The following PPP1R12B variants were observed in gnomAD, a reference collection of about 807,000 sequenced individuals.
The protein encoded by PPP1R12B is myosin phosphatase target subunit 2.
PPP1R12B carries 76 observed loss-of-function variants against 126.1 expected under a neutral mutation model. The ratio of observed to expected loss-of-function variants is 0.60; its 90% CI spans 0.50 to 0.73. The LOEUF (loss-of-function observed/expected upper bound fraction) is 0.73. Among genes scored for constraint, PPP1R12B ranks in the 30% least tolerant of loss-of-function variants. The probability of loss-of-function intolerance (pLI) is 0.00; values close to 1 mark genes in which losing one functional copy is unlikely to be tolerated. For missense variants in PPP1R12B, 1,052 were observed against 1,205.1 expected (o/e 0.87, Z 1.88); for synonymous variants, 356 against 434.7 (o/e 0.82, Z 2.25).
At chr1:202,368,121 C>G (rs1253691704) in intron 1 of PPP1R12B, among the ~76,000 whole-genome samples, 1 of 152,112 alleles carries the variant, frequency 6.6e-6, no homozygotes, top group Non-Finnish European at 1.5e-5. Context: ...AGGCGCCTGC[C>G]ACCACACCCG....
Position 202,471,874 on chromosome 1 carries a change from TCCTCCTGAAGGAA to T in PPP1R12B, c.1851-16657_1851-16645del. On this transcript the variant is annotated intron_variant, in intron 13 of 23. Coordinates refer to ENST00000608999, the MANE Select transcript of PPP1R12B (RefSeq NM_002481.4). ...GACTCAGAGTGCTTTTAGTGCTGCT[TCCTCCTGAAGGAA>T]CATCCTTCTGTAAGCCTTGCTTTTC... 9 of 1,554,894 alleles carry T rather than the reference TCCTCCTGAAGGAA, an allele frequency of 5.8e-6. No individual in the cohort carries two copies. In the East Asian group the frequency reaches 1.3e-4, roughly 23 times the overall value.
At chr1:202,376,762 A>G (rs1350927582) in intron 1 of PPP1R12B, among the ~76,000 whole-genome samples, 2 of 152,188 alleles carry the variant, frequency 1.3e-5, no homozygotes, top group African/African-American at 4.8e-5. Flanking sequence ...TAAATATTAA[A>G]TAATAGGATA....
chr1:202,566,052 T>C (rs892004814), intron 21 of PPP1R12B, among the ~76,000 whole-genome samples: 2 of 152,202 alleles, frequency 1.3e-5, no homozygotes, highest in African/African-American at 2.4e-5. Context: ...TACAGAAAAT[T>C]AAAGAGCAGT....
At position 202,431,534 on chromosome 1, in the gene PPP1R12B, A is replaced by C; in HGVS notation, c.1056A>C (p.Glu352Asp). Residue 352 changes from glutamate (E) to aspartate (D), a missense_variant, in exon 8 of 24, where the codon GAA becomes GAC. Coordinates refer to ENST00000608999, the MANE Select transcript of PPP1R12B (RefSeq NM_002481.4). ...EETPKSQEME[E>D]ENKESSSSSS... ...CACCTAAGTCCCAAGAAATGGAGGA[A>C]GAAAATAAAGAATCTAGTAGCTCCA... The C allele has an allele frequency of 6.2e-7, 1 of 1,613,588 alleles. No individual in the cohort carries two copies. The highest frequency in any genetic ancestry group is 1.3e-5 in the African/African-American group (1 of 75,010).
At chr1:202,495,221 T>C (rs1572271744) in intron 15 of PPP1R12B, 72 bp from the exon 16 acceptor site, 3 of 1,377,158 alleles carry the variant, frequency 2.2e-6, no homozygotes, top group African/African-American at 2.9e-5. Context: ...AAAAACATTT[T>C]GTATAAACCT....
At position 202,426,899 on chromosome 1, in the gene PPP1R12B, C is replaced by T. The variant is rs974950613; in HGVS notation, c.702-141C>T. ...AAAGTAGTTAACTATGAAACCCAAA[C>T]TGTGCCTTAGAGGGCAGAAGTAATC... On this transcript the variant is annotated intron_variant, in intron 4 of 23. Coordinates refer to ENST00000608999, the MANE Select transcript of PPP1R12B (RefSeq NM_002481.4). 3.1e-5 allele frequency: 38 copies of T among 1,219,826 alleles called. No homozygotes were observed. The African/African-American group carries it at 5.7e-4, about 18-fold the overall frequency. 75.6% of individuals were successfully genotyped at this position (1,219,826 alleles called of 1,614,324 possible).
intron 13 of PPP1R12B, among the ~76,000 whole-genome samples, chr1:202,479,531 A>G (rs1161288750): frequency 6.6e-6 from 1 of 152,202 alleles, no homozygotes; most frequent in African/African-American, 2.4e-5. Flanking sequence ...TCGTAGTCTC[A>G]TGGGACTCAG....
chr1:202,493,956 G>A (rs1395749492), intron 15 of PPP1R12B, among the ~76,000 whole-genome samples: 4 of 152,178 alleles, frequency 2.6e-5, no homozygotes, highest in Non-Finnish European at 5.9e-5. Context: ...TTTCTCTAGT[G>A]GAGTTGGTAG....
intron 18 of PPP1R12B, among the ~76,000 whole-genome samples, chr1:202,532,563 G>A (rs705746): frequency 0.031 from 4,649 of 152,060 alleles, 188 homozygotes; most frequent in African/African-American, 0.096. Context: ...TCTGGTTGTG[G>A]CCACTAAATT....
At chr1:202,357,327 G>A (rs1657298309) in intron 1 of PPP1R12B, among the ~76,000 whole-genome samples, 1 of 152,196 alleles carries the variant, frequency 6.6e-6, no homozygotes, top group Non-Finnish European at 1.5e-5. Context: ...GAGAAGGCCT[G>A]TAAAAAGACT....
At chr1:202,543,557 T>A (rs1335729411) in intron 18 of PPP1R12B, among the ~76,000 whole-genome samples, 1 of 152,054 alleles carries the variant, frequency 6.6e-6, no homozygotes, top group Non-Finnish European at 1.5e-5. Context: ...CTGGCCAACA[T>A]TGTGAAACCC....
At chr1:202,464,921 G>A (rs746311506) in intron 13 of PPP1R12B, among the ~76,000 whole-genome samples, 8 of 152,130 alleles carry the variant, frequency 5.3e-5, no homozygotes, top group Admixed American at 2.0e-4. Context: ...GTTTAGGTAG[G>A]TATATTAAGA....
At chr1:202,529,087 T>G (rs1683657912) in intron 18 of PPP1R12B, among the ~76,000 whole-genome samples, 1 of 152,160 alleles carries the variant, frequency 6.6e-6, no homozygotes, top group African/African-American at 2.4e-5. Context: ...GTAAACCTAG[T>G]AGTACAATGG....
chr1:202,363,293 C>T (rs1281234730), intron 1 of PPP1R12B, among the ~76,000 whole-genome samples: 1 of 152,140 alleles, frequency 6.6e-6, no homozygotes, highest in Non-Finnish European at 1.5e-5. Context: ...TACTGACAAA[C>T]TCATAATTTT....
At chr1:202,456,268 CAAAA>C (rs549174599) in intron 13 of PPP1R12B, among the ~76,000 whole-genome samples, 1 of 111,140 alleles carries the variant, frequency 9.0e-6, no homozygotes, top group Non-Finnish European at 1.9e-5. Context: ...GAATCCGTCT[CAAAA>C]AAAAAAAAGA....
chr1:202,430,267 A>G (rs542142447), intron 6 of PPP1R12B, among the ~76,000 whole-genome samples: 2 of 152,338 alleles, frequency 1.3e-5, no homozygotes, highest in South Asian at 4.1e-4. Context: ...TGCCCTCTGC[A>G]TAACTTTGAG....
In PPP1R12B at chr1:202,349,147, C is replaced by T; in HGVS notation, c.291+5C>T. 2 of 1,613,732 alleles carry T rather than the reference C, an allele frequency of 1.2e-6. No individual in the cohort carries two copies. The highest frequency in any genetic ancestry group is 8.5e-7 in the Non-Finnish European group (1 of 1,179,998). On this transcript the variant is annotated splice_donor_5th_base_variant and intron_variant, in intron 1 of 23. Transcript: ENST00000608999. ...GGCTTGACAGCCCTGCACCAGGTAACTCCTTTCTTGGTCTTAGAGGCGTCC... is the reference window on the plus strand; with the variant it reads ...GGCTTGACAGCCCTGCACCAGGTAATTCCTTTCTTGGTCTTAGAGGCGTCC...
In PPP1R12B at chr1:202,580,673, T is replaced by A; in HGVS notation, c.*113T>A. The A allele has an allele frequency of 1.2e-6, 1 of 847,942 alleles. No individual in the cohort carries two copies. The highest frequency in any genetic ancestry group is 2.0e-6 in the Non-Finnish European group (1 of 510,248). 52.5% of individuals were successfully genotyped at this position (847,942 alleles called of 1,614,324 possible). A position where few individuals can be genotyped will look rare whatever the true frequency, so the allele number is the denominator to read the frequency against. On this transcript the variant is annotated 3_prime_UTR_variant, in exon 24 of 24. Coordinates refer to ENST00000608999, the MANE Select transcript of PPP1R12B (RefSeq NM_002481.4). Reference sequence around the variant, plus strand: ...AATGGATGTTTTGGTGGAAGGACACTTCTTTCTATCACCCTCTTCAGTCAC... The same window carrying A: ...AATGGATGTTTTGGTGGAAGGACACATCTTTCTATCACCCTCTTCAGTCAC...
intron 1 of PPP1R12B, among the ~76,000 whole-genome samples, chr1:202,367,186 C>T (rs2361453): frequency 0.43 from 65,938 of 151,936 alleles, 15,674 homozygotes; most frequent in East Asian, 0.7. Context: ...TGATATAAAG[C>T]CTTTTAGCTC....
Sources: gnomAD v4.1 joint callset for allele counts (sites outside exome capture counted in the v4.1 genomes callset) on GRCh38, gnomAD v4.1.1 for gene constraint, MANE v1.5 for transcripts, NCBI Gene and HGNC (gene_info 2026-07-23, HGNC 2026-07-21) for gene names.